The following CNTNAP5 variants were observed in gnomAD, a reference collection of about 807,000 sequenced individuals.
The protein encoded by CNTNAP5 is contactin associated protein family member 5.
In CNTNAP5, 72 loss-of-function variants were observed where a neutral mutation model predicts 150.2. The ratio of observed to expected loss-of-function variants is 0.48; its 90% CI spans 0.40 to 0.58. The LOEUF (loss-of-function observed/expected upper bound fraction) is 0.58, where lower values mean the gene tolerates loss of function less well. Among genes scored for constraint, CNTNAP5 ranks in the 20% least tolerant of loss-of-function variants. CNTNAP5 has a pLI of 0.00. For synonymous variants in CNTNAP5, 672 were observed against 619.8 expected, an observed-to-expected ratio of 1.08 and a Z score of -1.25; for missense variants, 1,636 against 1,626.2, an observed-to-expected ratio of 1.01 and a Z score of -0.10.
chr2:124,190,817 C>T (rs903928503), intron 1 of CNTNAP5, among the ~76,000 whole-genome samples: 27 of 152,116 alleles, frequency 1.8e-4, no homozygotes, highest in Admixed American at 1.5e-3. Flanking sequence ...CATATACCTA[C>T]GTATGTAAAT....
rs1040741780 is a variant in CNTNAP5 at position 124,025,330 on chromosome 2, C to A, written c.-321C>A. ...CGACGAGGTGGATTTGGCTGTCCAC[C>A]GAGCTCCGGCGCCTGTCGTTCTAAT... On this transcript the variant is annotated 5_prime_UTR_variant, in exon 1 of 24. Coordinates refer to ENST00000682447, the MANE Select transcript of CNTNAP5 (RefSeq NM_001367498.1). The A allele has an allele frequency of 2.2e-5, 7 of 320,878 alleles. No homozygotes were observed. The highest frequency in any genetic ancestry group is 3.6e-5 in the Non-Finnish European group (6 of 166,090). 19.9% of individuals were successfully genotyped at this position (320,878 alleles called of 1,614,324 possible).
intron 13 of CNTNAP5, among the ~76,000 whole-genome samples, chr2:124,674,030 C>T (rs976881871): frequency 1.3e-4 from 20 of 152,154 alleles, no homozygotes; most frequent in Middle Eastern, 3.4e-3. Flanking sequence ...CCCACCTTGC[C>T]GCATTCACCA....
intron 13 of CNTNAP5, among the ~76,000 whole-genome samples, chr2:124,717,217 G>C (rs1421520253): frequency 6.6e-6 from 1 of 152,184 alleles, no homozygotes; most frequent in Non-Finnish European, 1.5e-5. Context: ...CGGAGGAGCA[G>C]GGGAGTGTAG....
At chr2:124,351,234 C>T (rs1363249524) in intron 3 of CNTNAP5, among the ~76,000 whole-genome samples, 1 of 152,136 alleles carries the variant, frequency 6.6e-6, no homozygotes, top group Admixed American at 6.5e-5. Context: ...CTTTGCAGAC[C>T]CCTGAGAGTG....
At chr2:124,038,986 A>G (rs1057398237) in intron 1 of CNTNAP5, among the ~76,000 whole-genome samples, 7 of 152,168 alleles carry the variant, frequency 4.6e-5, no homozygotes, top group Non-Finnish European at 1.0e-4. Context: ...AAATACTTCA[A>G]ATATGATCTC....
intron 3 of CNTNAP5, among the ~76,000 whole-genome samples, chr2:124,351,631 CA>C (rs1399496395): frequency 6.6e-6 from 1 of 152,068 alleles, no homozygotes; most frequent in Non-Finnish European, 1.5e-5. Context: ...AGAAAGACTA[CA>C]AAGAGAAGCA....
At position 124,545,754 on chromosome 2, in the gene CNTNAP5, C is replaced by T. The variant is rs117970134; in HGVS notation, c.1650-17463C>T. ...CTATACCAGACTACAGATGTTAACCCAGGACACTCTTCAAAGCTAAGGATG... is the reference window on the plus strand; with the variant it reads ...CTATACCAGACTACAGATGTTAACCTAGGACACTCTTCAAAGCTAAGGATG... On this transcript the variant is annotated intron_variant, in intron 10 of 23. Coordinates refer to ENST00000682447, the MANE Select transcript of CNTNAP5 (RefSeq NM_001367498.1). Among the ~76,000 whole-genome samples, 522 of 152,128 alleles carry T rather than the reference C, an allele frequency of 3.4e-3. 6 individuals are homozygous for T. The East Asian group carries it at 0.048, about 14-fold the overall frequency.
intron 17 of CNTNAP5, among the ~76,000 whole-genome samples, chr2:124,775,046 A>G (rs1423837120): frequency 6.6e-6 from 1 of 152,184 alleles, no homozygotes. Flanking sequence ...GTTTCTCTCC[A>G]ATAAGTCCCA....
chr2:124,780,283 CT>C (rs1478063011), intron 17 of CNTNAP5, among the ~76,000 whole-genome samples: 1 of 152,134 alleles, frequency 6.6e-6, no homozygotes, highest in Non-Finnish European at 1.5e-5. Flanking sequence ...TGATTTGTGC[CT>C]TCACCCCATT....
chr2:124,857,966 C>A (rs1458118811), intron 19 of CNTNAP5, among the ~76,000 whole-genome samples: 1 of 152,140 alleles, frequency 6.6e-6, no homozygotes, highest in African/African-American at 2.4e-5. Flanking sequence ...TTGTCCTGTT[C>A]CAGAGAAATT....
At chr2:124,769,301 A>G (rs955891777) in intron 16 of CNTNAP5, among the ~76,000 whole-genome samples, 2 of 151,840 alleles carry the variant, frequency 1.3e-5, no homozygotes, top group African/African-American at 4.8e-5. Flanking sequence ...TCTTTTTTTT[A>G]TCAGTCTTCT....
chr2:124,815,300 G>A (rs749253710), intron 19 of CNTNAP5, among the ~76,000 whole-genome samples: 3 of 152,238 alleles, frequency 2.0e-5, no homozygotes, highest in South Asian at 2.1e-4. Context: ...AATAATCCTC[G>A]GTAATCTCTC....
intron 3 of CNTNAP5, among the ~76,000 whole-genome samples, chr2:124,291,489 C>A (rs1414483708): frequency 6.7e-6 from 1 of 149,742 alleles, no homozygotes; most frequent in Non-Finnish European, 1.5e-5. Flanking sequence ...AAGAAAAAAT[C>A]AGTATTTGTA....
At chr2:124,247,072 G>A (rs1156385863) in intron 3 of CNTNAP5, among the ~76,000 whole-genome samples, 2 of 152,008 alleles carry the variant, frequency 1.3e-5, no homozygotes, top group African/African-American at 4.8e-5. Context: ...ATACATTTTG[G>A]TCATCAGTTC....
intron 19 of CNTNAP5, among the ~76,000 whole-genome samples, chr2:124,859,509 C>T (rs1259846786): frequency 2.6e-5 from 4 of 152,198 alleles, no homozygotes; most frequent in Admixed American, 6.5e-5. Context: ...GGCGATTCCT[C>T]AGGGATCTAG....
At chr2:124,911,997 C>T (rs1236191819) in intron 23 of CNTNAP5, among the ~76,000 whole-genome samples, 1 of 152,108 alleles carries the variant, frequency 6.6e-6, no homozygotes, top group African/African-American at 2.4e-5. Context: ...GCCCACAGAA[C>T]TGTAGTTGCA....
chr2:124,521,956 G>T (rs1432645592), intron 8 of CNTNAP5, among the ~76,000 whole-genome samples: 2 of 152,130 alleles, frequency 1.3e-5, no homozygotes, highest in Non-Finnish European at 2.9e-5. Context: ...GGGCCACCAG[G>T]CTGAGAAGCC....
chr2:124,235,016 G>A (rs8179607), intron 2 of CNTNAP5, among the ~76,000 whole-genome samples: 42,611 of 151,856 alleles, frequency 0.28, 6,209 homozygotes, highest in South Asian at 0.47. Context: ...TTATTGAGGC[G>A]GTGGTCTCTG....
chr2:124,255,598 T>A (rs13007359), intron 3 of CNTNAP5, among the ~76,000 whole-genome samples: 75,478 of 146,792 alleles, frequency 0.51, 19,967 homozygotes, highest in Admixed American at 0.54. Context: ...AATTTTTTTT[T>A]AAAAAGTAAA....
Sources: gnomAD v4.1 joint callset for allele counts (sites outside exome capture counted in the v4.1 genomes callset) on GRCh38, gnomAD v4.1.1 for gene constraint, MANE v1.5 for transcripts, NCBI Gene and HGNC (gene_info 2026-07-23, HGNC 2026-07-21) for gene names.